AQP7B: variants seen among roughly 807,000 people sequenced by gnomAD.
AQP7B encodes the protein putative aquaporin-7B.
chr2:94,594,926 A>T, the AQP7B span: 34 of 1,066,458 alleles, frequency 3.2e-5, no homozygotes, highest in African/African-American at 3.1e-4. Context: ...GCTGTCCATG[A>T]CCCCCTCCCC....
At chr2:94,602,524 T>C in the AQP7B span, 1 of 1,605,034 alleles carries the variant, frequency 6.2e-7, no homozygotes, top group African/African-American at 1.3e-5. Flanking sequence ...CCCATATGGT[T>C]CTAAATAAAA....
chr2:94,587,346 A>C, the AQP7B span, among the ~76,000 whole-genome samples: 1 of 152,202 alleles, frequency 6.6e-6, no homozygotes, highest in Non-Finnish European at 1.5e-5. Context: ...GAAGAAGATC[A>C]AGATGCGCTT....
chr2:94,594,632 G>A, the AQP7B span: 1 of 699,524 alleles, frequency 1.4e-6, no homozygotes, highest in Non-Finnish European at 2.5e-6. Context: ...GAGGAGGCGT[G>A]TGTGGCGAGG....
chr2:94,594,777 C>T, the AQP7B span: 11 of 1,578,472 alleles, frequency 7.0e-6, no homozygotes, highest in Admixed American at 3.3e-5. Context: ...TCTCCTGGTC[C>T]GTGATAGCAA....
chr2:94,604,002 A>G, the AQP7B span: 2 of 915,698 alleles, frequency 2.2e-6, no homozygotes, highest in Non-Finnish European at 1.7e-6. Flanking sequence ...GTGGGGGGTG[A>G]TGTGAGGGGC....
chr2:94,604,058 G>C, the AQP7B span: 50 of 700,482 alleles, frequency 7.1e-5, no homozygotes, highest in Non-Finnish European at 1.1e-4. Flanking sequence ...TGGGGAGCAG[G>C]AGTGAGTCCC....
chr2:94,603,877 C>T, the AQP7B span: 2 of 1,383,148 alleles, frequency 1.4e-6, no homozygotes, highest in Admixed American at 1.7e-5. Context: ...ATCCCGGGAC[C>T]CGCCCCCCAG....
At chr2:94,604,219 G>A in the AQP7B span, 105 of 1,456,600 alleles carry the variant, frequency 7.2e-5, no homozygotes, top group African/African-American at 6.6e-4. Context: ...ACCAGTCTTC[G>A]CCCAAGGTGG....
the AQP7B span, among the ~76,000 whole-genome samples, chr2:94,588,844 T>C: frequency 6.6e-6 from 1 of 151,786 alleles, no homozygotes; most frequent in African/African-American, 2.4e-5. Context: ...GGCTCAGCTG[T>C]CTTTGGGGTG....
chr2:94,602,438 C>A, the AQP7B span: 2 of 1,556,842 alleles, frequency 1.3e-6, no homozygotes, highest in Non-Finnish European at 8.7e-7. Context: ...CTGAGCCCTC[C>A]TCTGAGGTTG....
At chr2:94,592,604 G>C in the AQP7B span, among the ~76,000 whole-genome samples, 1 of 152,008 alleles carries the variant, frequency 6.6e-6, no homozygotes, top group Non-Finnish European at 1.5e-5. Context: ...TACCATAGAG[G>C]CAGGGGAGAG....
chr2:94,596,705 C>T, the AQP7B span, among the ~76,000 whole-genome samples: 1 of 152,102 alleles, frequency 6.6e-6, no homozygotes. Context: ...ACAAATTTAG[C>T]TTTCTTGTTT....
the AQP7B span, among the ~76,000 whole-genome samples, chr2:94,587,433 G>A: frequency 6.6e-6 from 1 of 152,304 alleles, no homozygotes; most frequent in East Asian, 1.9e-4. Flanking sequence ...CAGGCAGGGT[G>A]GGGATGGGGC....
the AQP7B span, chr2:94,603,396 C>A: frequency 1.2e-6 from 2 of 1,607,408 alleles, no homozygotes; most frequent in Admixed American, 3.3e-5. Flanking sequence ...CCATTCTCCA[C>A]TTTTCGGGTG....
At chr2:94,602,683 C>T in the AQP7B span, 1 of 1,456,346 alleles carries the variant, frequency 6.9e-7, no homozygotes, top group Non-Finnish European at 9.5e-7. Flanking sequence ...TTCCTGCCCA[C>T]CTCAGCCAGC....
the AQP7B span, among the ~76,000 whole-genome samples, chr2:94,601,806 G>T: frequency 6.6e-6 from 1 of 152,146 alleles, no homozygotes; most frequent in African/African-American, 2.4e-5. Context: ...GGAGAGGATA[G>T]CACAGGAGCC....
At chr2:94,598,191 G>T in the AQP7B span, among the ~76,000 whole-genome samples, 1 of 152,176 alleles carries the variant, frequency 6.6e-6, no homozygotes, top group Non-Finnish European at 1.5e-5. Context: ...TAGTTGCCAG[G>T]CTGTGCCAAG....
At chr2:94,603,260 T>TA in the AQP7B span, 39 of 1,390,172 alleles carry the variant, frequency 2.8e-5, no homozygotes, top group Admixed American at 8.7e-5. Flanking sequence ...TCCTGATTTG[T>TA]AAAAAATAGC....
chr2:94,601,786 C>T, the AQP7B span, among the ~76,000 whole-genome samples: 16 of 152,122 alleles, frequency 1.1e-4, no homozygotes, highest in Middle Eastern at 3.4e-3. Flanking sequence ...AGACGGAGGC[C>T]TCTGCAGAGG....
Sources: gnomAD v4.1 joint callset for allele counts (sites outside exome capture counted in the v4.1 genomes callset) on GRCh38, gnomAD v4.1.1 for gene constraint, MANE v1.5 for transcripts, NCBI Gene and HGNC (gene_info 2026-07-23, HGNC 2026-07-21) for gene names.